The following KIAA0825 variants were observed in gnomAD, a reference collection of about 807,000 sequenced individuals.
KIAA0825 encodes uncharacterized protein KIAA0825.
KIAA0825 carries 119 observed loss-of-function variants against 147.6 expected under a neutral mutation model. The observed-to-expected ratio is 0.81, with a 90% CI of 0.69 to 0.94. The LOEUF (loss-of-function observed/expected upper bound fraction) is 0.94, where lower values mean the gene tolerates loss of function less well. Ranked by LOEUF, KIAA0825 falls within the 40% of genes least tolerant of loss-of-function variation. The pLI is 0.00. For missense variants in KIAA0825, 1,381 were observed against 1,472.7 expected (o/e 0.94, Z 1.02); for synonymous variants, 470 against 518.1 (o/e 0.91, Z 1.26).
chr5:94,564,026 G>A (rs530319290), intron 2 of KIAA0825, among the ~76,000 whole-genome samples: 2 of 152,020 alleles, frequency 1.3e-5, no homozygotes, highest in Admixed American at 1.3e-4. Context: ...TCCTCCTAAA[G>A]TTATCAGAAC....
At chr5:94,156,353 C>T (rs2149904926) in intron 20 of KIAA0825, among the ~76,000 whole-genome samples, 1 of 152,282 alleles carries the variant, frequency 6.6e-6, no homozygotes, top group Admixed American at 6.5e-5. Flanking sequence ...CTAGATATTA[C>T]ATAAAAGAAC....
intron 20 of KIAA0825, among the ~76,000 whole-genome samples, chr5:94,206,299 T>C (rs534867740): frequency 1.3e-5 from 2 of 152,190 alleles, no homozygotes; most frequent in Non-Finnish European, 1.5e-5. Flanking sequence ...TGTCACGTTT[T>C]TGAAGTCTTT....
chr5:94,253,147 G>A (rs1030717939), intron 20 of KIAA0825, among the ~76,000 whole-genome samples: 1 of 152,072 alleles, frequency 6.6e-6, no homozygotes, highest in Non-Finnish European at 1.5e-5. Context: ...CAACTTTTCT[G>A]TTGATATCTT....
In KIAA0825 at chr5:94,166,541, T is replaced by C. The variant is rs1768059705; in HGVS notation, c.3711-12417A>G. On this transcript the variant is annotated intron_variant, in intron 20 of 20. Transcript: ENST00000682413. ...TTTTTTTTTTGAGATGGAATCTCGC[T>C]CTGTCACCCAGTCTGGAGTGCAGTG... 2.2e-5 allele frequency among the ~76,000 whole-genome samples: 3 copies of C among 135,648 alleles called. No individual in the cohort carries two copies. In the Admixed American group the frequency reaches 2.6e-4, roughly 12 times the overall value. 89.0% of individuals were successfully genotyped at this position (135,648 alleles called of 152,430 possible). A position where few individuals can be genotyped will look rare whatever the true frequency, so the allele number is the denominator to read the frequency against.
At chr5:94,226,018 C>T (rs1016091964) in intron 20 of KIAA0825, among the ~76,000 whole-genome samples, 3 of 152,180 alleles carry the variant, frequency 2.0e-5, no homozygotes, top group African/African-American at 4.8e-5. Flanking sequence ...CAAATGGGAT[C>T]TAATTAAACT....
chr5:94,499,584 C>T (rs952863150), intron 5 of KIAA0825, among the ~76,000 whole-genome samples: 9 of 22,216 alleles, frequency 4.1e-4, no homozygotes, highest in African/African-American at 1.4e-3. Flanking sequence ...ATTTCCCAAT[C>T]TGGGGGGGGG....
At chr5:94,159,024 A>C (rs534795855) in intron 20 of KIAA0825, among the ~76,000 whole-genome samples, 2 of 152,270 alleles carry the variant, frequency 1.3e-5, no homozygotes, top group African/African-American at 4.8e-5. Context: ...AAGAATGCAG[A>C]GGTGGGTGAT....
At chr5:94,184,887 A>G (rs1043278283) in intron 20 of KIAA0825, among the ~76,000 whole-genome samples, 1 of 152,144 alleles carries the variant, frequency 6.6e-6, no homozygotes, top group African/African-American at 2.4e-5. Flanking sequence ...CCCTTATGAA[A>G]AACTGGCAGC....
chr5:94,412,788 A>G (rs974768288), intron 15 of KIAA0825, among the ~76,000 whole-genome samples: 2 of 152,102 alleles, frequency 1.3e-5, no homozygotes, highest in African/African-American at 4.8e-5. Flanking sequence ...GAAAACATAC[A>G]TAGTTGACCC....
In KIAA0825 at chr5:94,380,305, T is replaced by C. The variant is rs905898862; in HGVS notation, c.3710+4063A>G. Among the ~76,000 whole-genome samples, 8 of 152,376 alleles carry C rather than the reference T, an allele frequency of 5.3e-5. No individual in the cohort carries two copies. In the South Asian group the frequency reaches 1.7e-3, roughly 32 times the overall value. On this transcript the variant is annotated intron_variant, in intron 20 of 20. Coordinates refer to ENST00000682413, the MANE Select transcript of KIAA0825 (RefSeq NM_001145678.3). Reference sequence around the variant, plus strand: ...GATTTTCCAGCAAATATTCTTATAATACCTACATGTCTATTAACCAAACAT... The same window carrying C: ...GATTTTCCAGCAAATATTCTTATAACACCTACATGTCTATTAACCAAACAT...
intron 20 of KIAA0825, among the ~76,000 whole-genome samples, chr5:94,186,582 A>G (rs1378821298): frequency 1.3e-5 from 2 of 152,248 alleles, no homozygotes; most frequent in Non-Finnish European, 2.9e-5. Context: ...AATATTATGT[A>G]CTATATGTCT....
chr5:94,336,296 C>A (rs534521294), intron 20 of KIAA0825, among the ~76,000 whole-genome samples: 3 of 150,526 alleles, frequency 2.0e-5, no homozygotes, highest in Non-Finnish European at 4.4e-5. Flanking sequence ...TTCTGGGATA[C>A]ATGTGCAGAA....
In KIAA0825 at chr5:94,396,527, A is replaced by C; in HGVS notation, c.2888-18T>G. The C allele has an allele frequency of 6.1e-6, 9 of 1,464,494 alleles. No individual in the cohort carries two copies. Among genetic ancestry groups the C allele is most frequent in the Non-Finnish European group, 8.1e-6 (9 of 1,108,606 alleles). 90.7% of individuals were successfully genotyped at this position (1,464,494 alleles called of 1,614,324 possible). On this transcript the variant is annotated intron_variant, in intron 16 of 20. Coordinates refer to ENST00000682413, the MANE Select transcript of KIAA0825 (RefSeq NM_001145678.3). ...TGTGAAGCCTGGGGAAGAAAAGAAA[A>C]GGTATGATTAATATTAGCATTTGCG...
At chr5:94,186,754 A>G (rs1770154581) in intron 20 of KIAA0825, among the ~76,000 whole-genome samples, 1 of 152,216 alleles carries the variant, frequency 6.6e-6, no homozygotes. Flanking sequence ...GAGAAAGGAC[A>G]TAGTTTGGTA....
intron 20 of KIAA0825, among the ~76,000 whole-genome samples, chr5:94,203,932 A>T (rs993630477): frequency 4.6e-5 from 7 of 152,300 alleles, no homozygotes; most frequent in African/African-American, 1.7e-4. Flanking sequence ...AACAAATAAA[A>T]ATGTAAAGTT....
chr5:94,461,238 A>G (rs1759787467), intron 12 of KIAA0825, among the ~76,000 whole-genome samples: 1 of 151,990 alleles, frequency 6.6e-6, no homozygotes, highest in African/African-American at 2.4e-5. Context: ...GTGACAAAGC[A>G]TGAAATTCAA....
intron 15 of KIAA0825, among the ~76,000 whole-genome samples, chr5:94,412,485 C>G (rs1752893407): frequency 6.6e-6 from 1 of 152,060 alleles, no homozygotes; most frequent in South Asian, 2.1e-4. Context: ...ACTGCAAGCT[C>G]CACCTCCTGG....
intron 20 of KIAA0825, among the ~76,000 whole-genome samples, chr5:94,290,563 T>C (rs762127109): frequency 6.6e-6 from 1 of 152,208 alleles, no homozygotes; most frequent in Non-Finnish European, 1.5e-5. Context: ...TTCCAAGTCT[T>C]TGCTATTGTA....
chr5:94,468,276 C>A (rs1278789542), intron 10 of KIAA0825, among the ~76,000 whole-genome samples: 2 of 152,164 alleles, frequency 1.3e-5, no homozygotes, highest in Non-Finnish European at 2.9e-5. Flanking sequence ...ACATAATACC[C>A]CTATGTTGAA....
Sources: allele counts gnomAD v4.1 joint callset (sites outside exome capture counted in the v4.1 genomes callset), GRCh38; gene constraint gnomAD v4.1.1; transcripts MANE v1.5; gene names NCBI Gene and HGNC (gene_info 2026-07-23, HGNC 2026-07-21).